The following ITPK1 variants were observed in gnomAD, a reference collection of about 807,000 sequenced individuals.
ITPK1 encodes inositol 1,3,4-trisphosphate 5/6-kinase.
Under a neutral mutation model 45.3 loss-of-function variants are expected in ITPK1, and 21 were observed. That is an observed-to-expected ratio of 0.46 (90% confidence interval 0.33 to 0.67). The LOEUF is 0.67. Among genes scored for constraint, ITPK1 ranks in the 30% least tolerant of loss-of-function variants. ITPK1 has a pLI of 0.02. For synonymous variants in ITPK1, 258 were observed against 253.6 expected, an observed-to-expected ratio of 1.02 and a Z score of -0.16; for missense variants, 474 against 573.5, an observed-to-expected ratio of 0.83 and a Z score of 1.77.
At chr14:92,965,982 A>G (rs557529497) in intron 5 of ITPK1, among the ~76,000 whole-genome samples, 34 of 152,352 alleles carry the variant, frequency 2.2e-4, no homozygotes, top group African/African-American at 7.9e-4. Context: ...CAGCCTGGGC[A>G]ACAAGAGCGA....
chr14:92,968,277 G>A (rs1885477535), intron 5 of ITPK1, among the ~76,000 whole-genome samples: 1 of 152,106 alleles, frequency 6.6e-6, no homozygotes, highest in South Asian at 2.1e-4. Flanking sequence ...GTTGCAGTGA[G>A]CCAAGATCGC....
chr14:93,099,795 G>A (rs1370808764), intron 2 of ITPK1, among the ~76,000 whole-genome samples: 1 of 152,024 alleles, frequency 6.6e-6, no homozygotes, highest in Non-Finnish European at 1.5e-5. Flanking sequence ...CCAAGCAGAG[G>A]TGCCCAGCAC....
Position 93,029,526 on chromosome 14 carries a change from C to T in ITPK1, c.121-12725G>A, listed in dbSNP as rs974321937. On this transcript the variant is annotated intron_variant, in intron 3 of 10. Transcript: ENST00000267615. ...CACCCGAGCCACCCGAGCTTCAGCC[C>T]CAGGGTGCACCTTGCAGAGAGGAGA... Among the ~76,000 whole-genome samples the T allele has an allele frequency of 2.4e-4, 37 of 152,292 alleles. 1 individual carries two copies. Among genetic ancestry groups the T allele is most frequent in the Middle Eastern group, 6.8e-3 (2 of 294 alleles).
At chr14:93,048,537 G>A (rs34750619) in intron 3 of ITPK1, among the ~76,000 whole-genome samples, 7,889 of 152,264 alleles carry the variant, frequency 0.052, 211 homozygotes, top group Non-Finnish European at 0.07. Context: ...CTTTGTCCAC[G>A]TGCCTGTCGC....
intron 10 of ITPK1, among the ~76,000 whole-genome samples, chr14:92,945,575 A>G (rs958925448): frequency 2.4e-4 from 36 of 152,336 alleles, no homozygotes; most frequent in Admixed American, 2.6e-4. Flanking sequence ...CAAGGCATCA[A>G]GCGCGGCTCT....
In ITPK1 at chr14:92,940,587, T is replaced by C. The variant is rs536072378; in HGVS notation, c.*974A>G. ...ACTGGGAAGAGGGCCCCGATCTCCA[T>C]GGTGTCATGCCGAGGCTCCCGCGCC... On this transcript the variant is annotated 3_prime_UTR_variant, in exon 11 of 11. Coordinates refer to ENST00000267615, the MANE Select transcript of ITPK1 (RefSeq NM_014216.6). 5.0e-6 allele frequency: 6 copies of C among 1,190,546 alleles called. No individual in the cohort carries two copies. Among genetic ancestry groups the C allele is most frequent in the South Asian group, 1.5e-5 (1 of 65,150 alleles). 73.7% of individuals were successfully genotyped at this position (1,190,546 alleles called of 1,614,324 possible).
rs564343139 is a variant in ITPK1, at chr14:93,097,425, G to A, written c.95+17644C>T. Among the ~76,000 whole-genome samples, 315 of 152,246 alleles carry A rather than the reference G, an allele frequency of 2.1e-3. 3 individuals are homozygous for A. The highest frequency in any genetic ancestry group is 7.2e-3 in the African/African-American group (299 of 41,542). On this transcript the variant is annotated intron_variant, in intron 2 of 10. Transcript: ENST00000267615. ...AGAAGGAGGCCAGGTCATGCCCAGC[G>A]CCTTCGGTTAGCCAAAGGTCAAGCC...
At chr14:92,946,906 C>T (rs1887718751) in intron 9 of ITPK1, among the ~76,000 whole-genome samples, 2 of 152,094 alleles carry the variant, frequency 1.3e-5, no homozygotes, top group South Asian at 2.1e-4. Flanking sequence ...GTCAGGGACC[C>T]GGGAAGACAT....
chr14:93,034,501 G>A lies in ITPK1; in HGVS notation c.121-17700C>T, dbSNP rs920435630. Among the ~76,000 whole-genome samples, 5 of 152,178 alleles carry A rather than the reference G, an allele frequency of 3.3e-5. No individual in the cohort carries two copies. The highest frequency in any genetic ancestry group is 1.2e-4 in the African/African-American group (5 of 41,434). On this transcript the variant is annotated intron_variant, in intron 3 of 10. Transcript: ENST00000267615. The surrounding 1 kb of genome is among the most constrained non-coding windows in gnomAD (Gnocchi z 4.1). The stretch of plus-strand genomic sequence containing the variant: ...TTTTCCTCTCCAAGAATAGAATGGG[G>A]AGGCGGGCTCCACCACAGCTGGCCC...
intron 3 of ITPK1, among the ~76,000 whole-genome samples, chr14:93,042,782 C>T (rs1237101657): frequency 6.6e-6 from 1 of 152,124 alleles, no homozygotes; most frequent in African/African-American, 2.4e-5. Context: ...CTTTGGGAGG[C>T]CAAGGTGGGC....
Position 93,039,710 on chromosome 14 carries a change from G to A in ITPK1, c.121-22909C>T, listed in dbSNP as rs371763536. On this transcript the variant is annotated intron_variant, in intron 3 of 10. Coordinates refer to ENST00000267615, the MANE Select transcript of ITPK1 (RefSeq NM_014216.6). ...GTCGCTGTGATAAGTCGCTGAGGCC[G>A]TCTCAGCCCCACACCCTGCAGCAGG... 3.8e-4 allele frequency among the ~76,000 whole-genome samples: 58 copies of A among 152,202 alleles called. 3 individuals are homozygous for A. The highest frequency in any genetic ancestry group is 2.1e-4 in the South Asian group (1 of 4,834).
chr14:93,067,201 A>G (rs1307203870), intron 3 of ITPK1, among the ~76,000 whole-genome samples: 1 of 152,018 alleles, frequency 6.6e-6, no homozygotes, highest in African/African-American at 2.4e-5. Flanking sequence ...TAAAATGCTT[A>G]CCTGGCACGC....
intron 3 of ITPK1, among the ~76,000 whole-genome samples, chr14:93,053,963 G>A (rs112922448): frequency 7.7e-4 from 117 of 152,324 alleles, no homozygotes; most frequent in African/African-American, 2.7e-3. Flanking sequence ...TCTAGATGGA[G>A]GGAAGTCAGA....
chr14:92,994,574 A>AC (rs1469638554), intron 4 of ITPK1, among the ~76,000 whole-genome samples: 1 of 152,170 alleles, frequency 6.6e-6, no homozygotes, highest in Non-Finnish European at 1.5e-5. Context: ...TAGGGGAATA[A>AC]CCCTAACTTA....
intron 5 of ITPK1, among the ~76,000 whole-genome samples, chr14:92,977,161 T>C (rs897201104): frequency 6.6e-6 from 1 of 152,242 alleles, no homozygotes; most frequent in Non-Finnish European, 1.5e-5. Context: ...GAAACCAGCA[T>C]GCAGAAGACA....
At chr14:92,972,160 C>T (rs183961740) in intron 5 of ITPK1, among the ~76,000 whole-genome samples, 169 of 152,334 alleles carry the variant, frequency 1.1e-3, no homozygotes, top group African/African-American at 3.8e-3. Context: ...CCATGCCCCG[C>T]GAGTGAAGCC....
At position 92,958,369 on chromosome 14, in the gene ITPK1, G is replaced by T. The variant is rs766883059; in HGVS notation, c.505-3C>A. ...TCCTGGTTGAACACGATAGCCATCTGGGAAGACAAGGGGTCAAAAGCTCTG... is the reference window on the plus strand; with the variant it reads ...TCCTGGTTGAACACGATAGCCATCTTGGAAGACAAGGGGTCAAAAGCTCTG... On this transcript the variant is annotated splice_region_variant and splice_polypyrimidine_tract_variant and intron_variant, in intron 7 of 10. Transcript: ENST00000267615. The surrounding 1 kb of genome is among the most constrained non-coding windows in gnomAD (Gnocchi z 4.4). 3.7e-6 allele frequency: 6 copies of T among 1,613,968 alleles called. No homozygotes were observed. Among genetic ancestry groups the T allele is most frequent in the Non-Finnish European group, 5.1e-6 (6 of 1,179,944 alleles).
chr14:93,073,199 A>C (rs927896979), intron 3 of ITPK1, among the ~76,000 whole-genome samples: 2 of 152,236 alleles, frequency 1.3e-5, no homozygotes, highest in Non-Finnish European at 2.9e-5. Flanking sequence ...AGATGAGCAG[A>C]AAGACACAGC....
chr14:92,995,696 G>C (rs963426311), intron 4 of ITPK1, among the ~76,000 whole-genome samples: 2 of 152,208 alleles, frequency 1.3e-5, no homozygotes, highest in African/African-American at 4.8e-5. Context: ...ATGCGGGGCA[G>C]AACCCTCCAG....
Sources: allele counts gnomAD v4.1 joint callset (sites outside exome capture counted in the v4.1 genomes callset), GRCh38; gene constraint gnomAD v4.1.1; non-coding constraint Gnocchi (gnomAD v3.1); transcripts MANE v1.5; gene names NCBI Gene and HGNC (gene_info 2026-07-23, HGNC 2026-07-21).